Variants in ZC3H4 observed in about 807,000 individuals in gnomAD.
ZC3H4 encodes zinc finger CCCH domain-containing protein 4.
Under a neutral mutation model 108.3 loss-of-function variants are expected in ZC3H4, and 13 were observed. The observed-to-expected ratio is 0.12, with a 90% CI of 0.08 to 0.19. ZC3H4 has a LOEUF of 0.19. ZC3H4 is among the 10% of genes least tolerant of loss of function. The pLI, the probability that ZC3H4 is intolerant of heterozygous loss-of-function variation, is 1.00. For synonymous variants in ZC3H4, 917 were observed against 749.6 expected (o/e 1.22, Z -3.65); for missense variants, 1,734 against 1,838.8 (o/e 0.94, Z 1.04).
chr19:47,068,515 A>C (rs907508883), intron 14 of ZC3H4, among the ~76,000 whole-genome samples: 1 of 152,218 alleles, frequency 6.6e-6, no homozygotes, highest in African/African-American at 2.4e-5. Context: ...AACCTAGGCC[A>C]GTACAGCCTG....
At position 47,065,398 on chromosome 19, in the gene ZC3H4, G is replaced by C. The variant is rs2057179891; in HGVS notation, c.*958C>G. Reference sequence around the variant, plus strand: ...CCACCCCAGGGTCCCCATTGTTGGGGCCTGGCGGCGCAGCCACTGCACGGA... The same window carrying C: ...CCACCCCAGGGTCCCCATTGTTGGGCCCTGGCGGCGCAGCCACTGCACGGA... On this transcript the variant is annotated 3_prime_UTR_variant, in exon 15 of 15. Transcript: ENST00000253048. The C allele has an allele frequency of 6.5e-6, 1 of 153,016 alleles. No homozygotes were observed. The highest frequency in any genetic ancestry group is 1.5e-5 in the Non-Finnish European group (1 of 68,366). The allele number at this position is 153,016 out of a possible 1,614,324, so 9.5% of individuals were successfully genotyped here. A position where few individuals can be genotyped will look rare whatever the true frequency, so the allele number is the denominator to read the frequency against.
rs886400199 is a variant in ZC3H4, at chr19:47,064,203, A to C, written c.*2153T>G. On this transcript the variant is annotated 3_prime_UTR_variant, in exon 15 of 15. Transcript: ENST00000253048. ...CCCACAAGCTTTTTAAAATAACTGC[A>C]TCCTTTAATGGCAGTAATACAATTA... The C allele has an allele frequency of 6.6e-6, 1 of 152,614 alleles. No individual in the cohort carries two copies. Among genetic ancestry groups the C allele is most frequent in the Non-Finnish European group, 1.5e-5 (1 of 68,044 alleles). The allele number at this position is 152,614 out of a possible 1,614,324, so 9.5% of individuals were successfully genotyped here.
chr19:47,100,052 C>T (rs951621800), intron 2 of ZC3H4, among the ~76,000 whole-genome samples: 8 of 152,160 alleles, frequency 5.3e-5, no homozygotes, highest in African/African-American at 1.9e-4. Flanking sequence ...GGAGGCGCCG[C>T]CTCTTCAAAT....
In ZC3H4 at chr19:47,067,586, G is replaced by A. The variant is rs199794137; in HGVS notation, c.2682C>T (p.Arg894=). Residue 894 remains arginine, a synonymous_variant, in exon 15 of 15, where the codon CGC becomes CGT. Coordinates refer to ENST00000253048, the MANE Select transcript of ZC3H4 (RefSeq NM_015168.2). This position sits in a 1 kb window ranked among gnomAD's most constrained non-coding sequence, Gnocchi z 6.4. Reference sequence around the variant, plus strand: ...CTTCGGGCTTGGAGGTGGGCAGGGCGCGAGCCAGCCGAGGATCGGAGGGTC... The same window carrying A: ...CTTCGGGCTTGGAGGTGGGCAGGGCACGAGCCAGCCGAGGATCGGAGGGTC... ...DSGPSDPRLA[R]ALPTSKPEGS... The A allele has an allele frequency of 2.8e-4, 445 of 1,603,820 alleles. No individual in the cohort carries two copies. The highest frequency in any genetic ancestry group is 5.9e-4 in the Admixed American group (35 of 59,156).
Position 47,096,106 on chromosome 19 carries a change from C to T in ZC3H4, c.162-1498G>A, listed in dbSNP as rs148584566. ...GGGCTGCTACCCAAACATCAAGGAG[C>T]GCCTCAAGAGCAGCTTTTTCTATGA... On this transcript the variant is annotated intron_variant, in intron 2 of 14. Transcript: ENST00000253048. Among the ~76,000 whole-genome samples the T allele has an allele frequency of 8.2e-3, 1,244 of 152,306 alleles. 11 individuals are homozygous for T. Among genetic ancestry groups the T allele is most frequent in the African/African-American group, 0.028 (1,160 of 41,562 alleles).
At chr19:47,084,188 C>T (rs999639316) in intron 9 of ZC3H4, among the ~76,000 whole-genome samples, 157 bp downstream of exon 9, 1 of 152,062 alleles carries the variant, frequency 6.6e-6, no homozygotes, top group African/African-American at 2.4e-5. Context: ...TCTTTCAGGC[C>T]GCCCAGGCAA....
At chr19:47,087,136 T>C (rs1472316932) in intron 5 of ZC3H4, among the ~76,000 whole-genome samples, 1 of 151,556 alleles carries the variant, frequency 6.6e-6, no homozygotes, top group Non-Finnish European at 1.5e-5. Flanking sequence ...ATTAGCCAGG[T>C]GTGGTGGCGC....
Position 47,086,374 on chromosome 19 carries a change from G to A in ZC3H4, c.870+10C>T, listed in dbSNP as rs756590971. 153 of 1,613,108 alleles carry A rather than the reference G, an allele frequency of 9.5e-5. No homozygotes were observed. The highest frequency in any genetic ancestry group is 1.3e-4 in the Non-Finnish European group (148 of 1,179,758). On this transcript the variant is annotated intron_variant, in intron 6 of 14. Transcript: ENST00000253048. Reference sequence around the variant, plus strand: ...CACCCCGACGTCCCCAGGGCCAGAGGAAACCTTACGTCCATCTCTTCCTCG... The same window carrying A: ...CACCCCGACGTCCCCAGGGCCAGAGAAAACCTTACGTCCATCTCTTCCTCG...
intron 2 of ZC3H4, among the ~76,000 whole-genome samples, chr19:47,097,637 A>C (rs2057843180): frequency 6.6e-6 from 1 of 152,210 alleles, no homozygotes; most frequent in South Asian, 2.1e-4. Flanking sequence ...TCTCAACAAA[A>C]CAGCAACCAG....
intron 9 of ZC3H4, 105 bp downstream of exon 9, chr19:47,084,240 A>T (rs1201565425): frequency 1.9e-6 from 2 of 1,061,652 alleles, no homozygotes; most frequent in East Asian, 5.0e-5. Context: ...AGGACTACAC[A>T]GTCACTCCCA....
intron 6 of ZC3H4, among the ~76,000 whole-genome samples, chr19:47,086,166 C>T (rs762360727): frequency 5.3e-5 from 8 of 152,166 alleles, no homozygotes; most frequent in Non-Finnish European, 1.2e-4. Context: ...CGCGCCCAGC[C>T]GATACCTTTT....
chr19:47,074,157 A>C (rs2057378160), intron 11 of ZC3H4, among the ~76,000 whole-genome samples: 1 of 152,100 alleles, frequency 6.6e-6, no homozygotes, highest in Non-Finnish European at 1.5e-5. Flanking sequence ...TTTTCCTGTT[A>C]TTCCCATGTG....
Position 47,066,459 on chromosome 19 carries a change from G to C in ZC3H4, c.3809C>G (p.Pro1270Arg). Residue 1270 changes from proline to arginine, a missense_variant, in exon 15 of 15, where the codon CCA becomes CGA. This residue lies in a region of ZC3H4 where 518 missense variants were observed against 499.6 expected (regional missense o/e 1.04). Transcript: ENST00000253048. ...KQTPKTGSGS[P>R]FAGNSPAREG... ...GCGGGCCGGACTGTTCCCAGCAAAT[G>C]GGCTTCCTGAGCCCGTCTTGGGTGT... 1 of 1,580,572 alleles carries C rather than the reference G, an allele frequency of 6.3e-7. No homozygotes were observed. Among genetic ancestry groups the C allele is most frequent in the East Asian group, 2.3e-5 (1 of 44,172 alleles).
intron 10 of ZC3H4, 56 bp from the exon 11 acceptor site, chr19:47,081,678 C>A (rs2057526566): frequency 6.9e-7 from 1 of 1,451,436 alleles, no homozygotes; most frequent in Admixed American, 1.7e-5. Context: ...CCTCCCCCAC[C>A]ACAGACCCAA....
intron 4 of ZC3H4, among the ~76,000 whole-genome samples, chr19:47,090,626 T>A (rs2057715144): frequency 6.6e-6 from 1 of 152,104 alleles, no homozygotes; most frequent in Admixed American, 6.6e-5. Context: ...CTTTCCAAAG[T>A]GTGGTAATGC....
chr19:47,098,090 C>T (rs2057851758), intron 2 of ZC3H4, among the ~76,000 whole-genome samples: 1 of 152,200 alleles, frequency 6.6e-6, no homozygotes, highest in Non-Finnish European at 1.5e-5. Flanking sequence ...TGCTCCTCCC[C>T]CTGGTCAAAG....
At chr19:47,112,624 G>GGA (rs1182069842) in intron 1 of ZC3H4, 35 bp from the exon 2 acceptor site, 2 of 1,217,886 alleles carry the variant, frequency 1.6e-6, no homozygotes, top group Non-Finnish European at 2.1e-6. Flanking sequence ...GCACGAAAAA[G>GGA]GACTGCTTGG....
rs2057794821 is a variant in ZC3H4 at position 47,094,777 on chromosome 19, CCT to C, written c.162-171_162-170del. 3.9e-5 allele frequency among the ~76,000 whole-genome samples: 6 copies of C among 152,280 alleles called. No homozygotes were observed. In the South Asian group the frequency reaches 1.0e-3, roughly 26 times the overall value. ...CTCTTGTTCCATCCCTTATCCTCCC[CCT>C]GAAAGAACTGTGCTTGCTCCAGTCT... On this transcript the variant is annotated intron_variant, in intron 2 of 14. Coordinates refer to ENST00000253048, the MANE Select transcript of ZC3H4 (RefSeq NM_015168.2).
rs139637521 is a variant in ZC3H4 at position 47,102,501 on chromosome 19, C to T, written c.162-7893G>A. 4.4e-4 allele frequency among the ~76,000 whole-genome samples: 67 copies of T among 152,176 alleles called. No individual in the cohort carries two copies. In the East Asian group the frequency reaches 7.4e-3, roughly 17 times the overall value. On this transcript the variant is annotated intron_variant, in intron 2 of 14. Coordinates refer to ENST00000253048, the MANE Select transcript of ZC3H4 (RefSeq NM_015168.2). ...GGCAAATTCCTTAAACACTCTGCAC[C>T]CCAGTCTCCATAACTGTGCAGCACA...
Sources: gnomAD v4.1 joint callset for allele counts (sites outside exome capture counted in the v4.1 genomes callset) on GRCh38, gnomAD v4.1.1 for gene constraint, gnomAD v4.1.1 regional missense constraint, Gnocchi (gnomAD v3.1) non-coding constraint, MANE v1.5 for transcripts, NCBI Gene and HGNC (gene_info 2026-07-23, HGNC 2026-07-21) for gene names.